UNC13C: variants seen among roughly 807,000 people sequenced by gnomAD.
UNC13C encodes protein unc-13 homolog C.
A neutral mutation model predicts 245.4 loss-of-function variants in UNC13C; 174 were observed. The observed-to-expected ratio is 0.71, with a 90% CI of 0.63 to 0.80. UNC13C has a LOEUF of 0.80. UNC13C is among the 30% of genes least tolerant of loss of function. The pLI, the probability that UNC13C is intolerant of heterozygous loss-of-function variation, is 0.00. For missense variants in UNC13C, 2,829 were observed against 2,602.9 expected (o/e 1.09, Z -1.89); for synonymous variants, 992 against 895.1 (o/e 1.11, Z -1.93).
chr15:54,110,777 G>A (rs1900730220), intron 2 of UNC13C, among the ~76,000 whole-genome samples: 1 of 151,942 alleles, frequency 6.6e-6, no homozygotes, highest in Non-Finnish European at 1.5e-5. Flanking sequence ...TGACTTCCTT[G>A]AACAGAACTG....
chr15:54,050,049 A>G, intron 2 of UNC13C: 1 of 304,854 alleles, frequency 3.3e-6, no homozygotes, highest in East Asian at 8.3e-5. Context: ...GGCTCACTGC[A>G]ACCTCCGCCT....
intron 2 of UNC13C, among the ~76,000 whole-genome samples, chr15:54,021,195 G>A (rs1895890338): frequency 6.6e-6 from 1 of 151,932 alleles, no homozygotes; most frequent in Admixed American, 6.6e-5. Flanking sequence ...GTGAGAACAT[G>A]ACAAATCTAT....
intron 30 of UNC13C, among the ~76,000 whole-genome samples, chr15:54,598,136 T>G (rs1899203014): frequency 6.6e-6 from 1 of 152,206 alleles, no homozygotes; most frequent in Non-Finnish European, 1.5e-5. Flanking sequence ...AGTCTCGCTT[T>G]GTCGCCCACG....
At chr15:54,596,123 G>A (rs1268154985) in intron 30 of UNC13C, among the ~76,000 whole-genome samples, 1 of 152,150 alleles carries the variant, frequency 6.6e-6, no homozygotes, top group South Asian at 2.1e-4. Flanking sequence ...AATTGGACAG[G>A]GTTTGAGCTA....
At chr15:54,244,832 G>C (rs1225711337) in intron 7 of UNC13C, among the ~76,000 whole-genome samples, 2 of 152,134 alleles carry the variant, frequency 1.3e-5, no homozygotes, top group Non-Finnish European at 2.9e-5. Context: ...TGTATCCTCA[G>C]ACTTTGCTGA....
In UNC13C at chr15:54,441,913, T is replaced by C. The variant is rs987196711; in HGVS notation, c.4933+26846T>C. Reference sequence around the variant, plus strand: ...GGAGTCTTTTATCATCTTTGTTTAATTTATTCTTAGGTATTTTTTTGTAGC... The same window carrying C: ...GGAGTCTTTTATCATCTTTGTTTAACTTATTCTTAGGTATTTTTTTGTAGC... On this transcript the variant is annotated intron_variant, in intron 19 of 32. Coordinates refer to ENST00000260323, the MANE Select transcript of UNC13C (RefSeq NM_001080534.3). Among the ~76,000 whole-genome samples the C allele has an allele frequency of 2.6e-5, 4 of 152,166 alleles. No homozygotes were observed. In the South Asian group the frequency reaches 6.2e-4, roughly 24 times the overall value.
intron 4 of UNC13C, among the ~76,000 whole-genome samples, chr15:54,176,285 T>A (rs926796591): frequency 2.6e-5 from 4 of 152,172 alleles, no homozygotes; most frequent in African/African-American, 9.7e-5. Context: ...AATCATATTG[T>A]GGACCAGTGG....
At chr15:54,062,599 C>T (rs1420160920) in intron 2 of UNC13C, among the ~76,000 whole-genome samples, 1 of 152,176 alleles carries the variant, frequency 6.6e-6, no homozygotes, top group African/African-American at 2.4e-5. Context: ...TTTTTACCTT[C>T]CATGTGGAAG....
chr15:53,907,321 G>A, the UNC13C span, among the ~76,000 whole-genome samples: 4 of 152,222 alleles, frequency 2.6e-5, no homozygotes, highest in South Asian at 6.2e-4. Flanking sequence ...TATTTTCTTT[G>A]ATGGTTGATG....
the UNC13C span, among the ~76,000 whole-genome samples, chr15:53,943,920 T>G: frequency 1.3e-5 from 2 of 152,142 alleles, no homozygotes; most frequent in Non-Finnish European, 2.9e-5. Context: ...TTTTATCTGA[T>G]AGTAGCATAG....
At chr15:54,390,244 A>G (rs897388818) in intron 17 of UNC13C, among the ~76,000 whole-genome samples, 3 of 152,190 alleles carry the variant, frequency 2.0e-5, no homozygotes, top group Non-Finnish European at 4.4e-5. Context: ...CTCTTTCTAT[A>G]TACTGATCTC....
At chr15:53,851,338 G>A in the UNC13C span, among the ~76,000 whole-genome samples, 3 of 152,044 alleles carry the variant, frequency 2.0e-5, no homozygotes, top group African/African-American at 7.2e-5. Context: ...TGATCGTTTT[G>A]AGGCTTGATT....
intron 2 of UNC13C, among the ~76,000 whole-genome samples, chr15:54,019,698 A>G (rs1895811602): frequency 6.6e-6 from 1 of 152,172 alleles, no homozygotes; most frequent in East Asian, 1.9e-4. Context: ...CTGTTTTCTG[A>G]ATGGTTATAA....
intron 13 of UNC13C, among the ~76,000 whole-genome samples, chr15:54,303,146 C>T (rs143068951): frequency 6.6e-6 from 1 of 152,132 alleles, no homozygotes; most frequent in Admixed American, 6.5e-5. Flanking sequence ...CTTGTTCATC[C>T]ACATCCAGTA....
intron 2 of UNC13C, among the ~76,000 whole-genome samples, chr15:54,064,085 T>A (rs995489237): frequency 1.3e-5 from 2 of 152,016 alleles, no homozygotes; most frequent in Non-Finnish European, 2.9e-5. Context: ...CTTCTTCTTT[T>A]TTTTTTCAGA....
chr15:54,119,783 C>G (rs746247731), intron 2 of UNC13C, among the ~76,000 whole-genome samples: 3 of 152,074 alleles, frequency 2.0e-5, no homozygotes, highest in Non-Finnish European at 4.4e-5. Context: ...GATAAAAAAG[C>G]AAAACAACTT....
At chr15:54,087,548 T>A (rs1461988218) in intron 2 of UNC13C, among the ~76,000 whole-genome samples, 2 of 152,226 alleles carry the variant, frequency 1.3e-5, no homozygotes, top group East Asian at 1.9e-4. Context: ...CTAATTAGCA[T>A]ATGCATTGCC....
chr15:53,933,350 C>CAT, the UNC13C span, among the ~76,000 whole-genome samples: 68 of 151,954 alleles, frequency 4.5e-4, no homozygotes, highest in East Asian at 1.7e-3. Context: ...TCAACATATG[C>CAT]ATATATATAT....
chr15:53,887,729 T>C, the UNC13C span, among the ~76,000 whole-genome samples: 184 of 151,224 alleles, frequency 1.2e-3, no homozygotes, highest in African/African-American at 4.3e-3. Flanking sequence ...CACCCCCCGA[T>C]AGTGTGATGT....
Sources: allele counts gnomAD v4.1 joint callset (sites outside exome capture counted in the v4.1 genomes callset), GRCh38; gene constraint gnomAD v4.1.1; transcripts MANE v1.5; gene names NCBI Gene and HGNC (gene_info 2026-07-23, HGNC 2026-07-21).